DOCK9: variants seen among roughly 807,000 people sequenced by gnomAD.
DOCK9 encodes the protein dedicator of cytokinesis 9, also known as dedicator of cytokinesis protein 9.
DOCK9 carries 89 observed loss-of-function variants against 263.3 expected under a neutral mutation model. That is an observed-to-expected ratio of 0.34 (90% confidence interval 0.28 to 0.40). DOCK9 has a LOEUF of 0.40. DOCK9 is among the 10% of genes least tolerant of loss of function. The pLI, the probability that DOCK9 is intolerant of heterozygous loss-of-function variation, is 1.00. For missense variants in DOCK9, 2,140 were observed against 2,603.4 expected, an observed-to-expected ratio of 0.82 and a Z score of 3.87; for synonymous variants, 976 against 973.1, an observed-to-expected ratio of 1.00 and a Z score of -0.06.
chr13:98,796,771 A>T (rs556866392), intron 52 of DOCK9, among the ~76,000 whole-genome samples: 1 of 152,346 alleles, frequency 6.6e-6, no homozygotes, highest in East Asian at 1.9e-4. Flanking sequence ...TTAAAGGAAT[A>T]AAGTTGTCAG....
At chr13:99,067,659 G>A (rs1328154932) in intron 1 of DOCK9, among the ~76,000 whole-genome samples, 1 of 152,178 alleles carries the variant, frequency 6.6e-6, no homozygotes, top group Non-Finnish European at 1.5e-5. Flanking sequence ...CATTGTGCAG[G>A]TGCCACCCAT....
intron 9 of DOCK9, among the ~76,000 whole-genome samples, chr13:98,911,700 G>A (rs2050070332): frequency 6.6e-6 from 1 of 151,494 alleles, no homozygotes; most frequent in South Asian, 2.1e-4. Flanking sequence ...TTCAAGACCA[G>A]CCTCGCCAAC....
At chr13:99,000,249 T>C (rs919154471) in intron 1 of DOCK9, among the ~76,000 whole-genome samples, 1 of 152,168 alleles carries the variant, frequency 6.6e-6, no homozygotes, top group Non-Finnish European at 1.5e-5. Context: ...TGTGTCCTTC[T>C]GAAGATGCAA....
intron 1 of DOCK9, among the ~76,000 whole-genome samples, chr13:99,028,618 T>G (rs187141666): frequency 6.6e-6 from 1 of 152,256 alleles, no homozygotes; most frequent in East Asian, 1.9e-4. Flanking sequence ...ATACAAACAT[T>G]GTTGAAACTT....
At chr13:98,820,145 A>G (rs372276744) in intron 45 of DOCK9, among the ~76,000 whole-genome samples, 3 of 152,232 alleles carry the variant, frequency 2.0e-5, no homozygotes, top group African/African-American at 7.2e-5. Context: ...TCATTAACCA[A>G]TCAATACCTA....
intron 45 of DOCK9, among the ~76,000 whole-genome samples, chr13:98,814,636 C>T (rs190128242): frequency 4.6e-5 from 7 of 152,228 alleles, no homozygotes; most frequent in African/African-American, 1.4e-4. Flanking sequence ...AAACTCCTAA[C>T]CTCAAGTGAT....
Position 98,999,052 on chromosome 13 carries a change from TC to T in DOCK9, c.130-43502del, listed in dbSNP as rs533397123. Among the ~76,000 whole-genome samples, 486 of 152,074 alleles carry T rather than the reference TC, an allele frequency of 3.2e-3. 3 individuals carry two copies. Among genetic ancestry groups the T allele is most frequent in the African/African-American group, 0.011 (471 of 41,462 alleles). On this transcript the variant is annotated intron_variant, in intron 1 of 32. Transcript: ENST00000427887. ...CAGGAAGTCAATGATTTGTATCATC[TC>T]CCCCTTTGACTCTTGAGATAAAAAG...
intron 1 of DOCK9, among the ~76,000 whole-genome samples, chr13:99,071,761 C>T (rs2041691469): frequency 6.6e-6 from 1 of 152,170 alleles, no homozygotes; most frequent in East Asian, 1.9e-4. Flanking sequence ...CCAATCCTTC[C>T]ACCATTCGCT....
intron 1 of DOCK9, among the ~76,000 whole-genome samples, chr13:99,015,004 TC>T (rs373724003): frequency 1.3e-5 from 2 of 151,348 alleles, no homozygotes; most frequent in South Asian, 2.1e-4. Context: ...TTTAAATTTC[TC>T]CCCCCCGCAT....
chr13:98,863,391 A>C lies in DOCK9; in HGVS notation c.3444T>G (p.Phe1148Leu), dbSNP rs2141957537. The change falls in exon 31 of 53, where the codon TTT (phenylalanine) becomes TTG (leucine). Residue 1148 changes from phenylalanine to leucine, a missense_variant. Transcript: ENST00000682017. ...VLKNLLIKHS[F>L]DDRYASRSHQ... is the part of the protein sequence containing the mutation. ...TCACCCTTGAAGCATATCTGTCATC[A>C]AAAGAATGCTTTATCAGCAGGTTCT... 1 of 1,613,904 alleles carries C rather than the reference A, an allele frequency of 6.2e-7. No individual in the cohort carries two copies. The highest frequency in any genetic ancestry group is 8.5e-7 in the Non-Finnish European group (1 of 1,179,852).
At chr13:99,006,602 A>C (rs1405900144) in intron 1 of DOCK9, among the ~76,000 whole-genome samples, 21 of 152,232 alleles carry the variant, frequency 1.4e-4, no homozygotes, top group South Asian at 6.2e-4. Flanking sequence ...TTTTATGGAC[A>C]ATTATCCCTT....
At chr13:98,970,845 T>C (rs1193250441) in intron 1 of DOCK9, among the ~76,000 whole-genome samples, 4 of 151,916 alleles carry the variant, frequency 2.6e-5, no homozygotes, top group African/African-American at 7.3e-5. Flanking sequence ...GGCTGTCTTG[T>C]TATCTCCTGC....
At chr13:99,083,584 T>G (rs920301017) in intron 1 of DOCK9, among the ~76,000 whole-genome samples, 1 of 151,922 alleles carries the variant, frequency 6.6e-6, no homozygotes, top group African/African-American at 2.4e-5. Flanking sequence ...TCAATCTGGA[T>G]GATGAAATAT....
intron 1 of DOCK9, among the ~76,000 whole-genome samples, chr13:99,065,937 T>A (rs148793634): frequency 1.3e-3 from 198 of 152,342 alleles, no homozygotes; most frequent in African/African-American, 4.5e-3. Context: ...AAATTTAAAA[T>A]TTATCAGTTC....
rs745887596 is a variant in DOCK9, at chr13:98,800,522, CT to C, written c.5726-45del. The C allele has an allele frequency of 1.5e-4, 231 of 1,592,482 alleles. 2 individuals carry two copies. In the Middle Eastern group the frequency reaches 3.4e-3, roughly 23 times the overall value. On this transcript the variant is annotated intron_variant, in intron 49 of 52. Transcript: ENST00000682017. ...AGAATTACTGCATGGCTTGCACGAG[CT>C]TTAGTGTTATTGAGCTGATTATTAT... is the stretch of plus-strand genomic sequence containing the variant.
intron 2 of DOCK9, among the ~76,000 whole-genome samples, chr13:98,945,376 C>T (rs1353433110): frequency 6.6e-6 from 1 of 152,228 alleles, no homozygotes; most frequent in African/African-American, 2.4e-5. Flanking sequence ...CATGTTGTCA[C>T]TACACCTTCC....
At chr13:99,056,411 A>G (rs909467049) in intron 1 of DOCK9, among the ~76,000 whole-genome samples, 1 of 152,206 alleles carries the variant, frequency 6.6e-6, no homozygotes, top group African/African-American at 2.4e-5. Context: ...TAAATATGCA[A>G]AAGTATTATA....
Position 98,946,582 on chromosome 13 carries a change from G to A in DOCK9, c.243+8853C>T, listed in dbSNP as rs548034199. Among the ~76,000 whole-genome samples, 4 of 152,158 alleles carry A rather than the reference G, an allele frequency of 2.6e-5. No individual in the cohort carries two copies. The South Asian group carries it at 8.3e-4, about 32-fold the overall frequency. ...AAAGACCCTCAATTCCCTCCCCAGA[G>A]ACCCCATGCGGAACCCTGCTTCAAA... On this transcript the variant is annotated intron_variant, in intron 2 of 52. Coordinates refer to ENST00000682017, the MANE Select transcript of DOCK9 (RefSeq NM_001366683.2).
chr13:99,011,363 C>A (rs1009628294), intron 1 of DOCK9, among the ~76,000 whole-genome samples: 21 of 152,092 alleles, frequency 1.4e-4, no homozygotes, highest in Non-Finnish European at 8.8e-5. Context: ...ATATAAAAGT[C>A]ATTTTGAAAA....
Sources: allele counts gnomAD v4.1 joint callset (sites outside exome capture counted in the v4.1 genomes callset), GRCh38; gene constraint gnomAD v4.1.1; transcripts MANE v1.5; gene names NCBI Gene and HGNC (gene_info 2026-07-23, HGNC 2026-07-21).